ZNF738: variants seen among roughly 807,000 people sequenced by gnomAD.
ZNF738 encodes the protein protein ZNF738.
ZNF738 carries 10 observed loss-of-function variants against 9.2 expected under a neutral mutation model. The ratio of observed to expected loss-of-function variants is 1.09; its 90% confidence interval spans 0.67 to 1.85. The LOEUF is 1.85. Among genes scored for constraint, ZNF738 ranks in the 40% most tolerant of loss-of-function variants. The pLI, the probability that ZNF738 is intolerant of heterozygous loss-of-function variation, is 0.00. For missense variants in ZNF738, 346 were observed against 283.6 expected (o/e 1.22, Z -1.58); for synonymous variants, 113 against 94.5 (o/e 1.20, Z -1.14).
chr19:21,380,215 A>G (rs1157975383), intron 4 of ZNF738, among the ~76,000 whole-genome samples: 1 of 152,212 alleles, frequency 6.6e-6, no homozygotes, highest in Non-Finnish European at 1.5e-5. Context: ...TCAAAGATGA[A>G]AGAAACAAGT....
At chr19:21,378,605 A>ATT in intron 4 of ZNF738, 1 of 340,042 alleles carries the variant, frequency 2.9e-6, no homozygotes, top group Non-Finnish European at 6.0e-6. Flanking sequence ...AAATAATATC[A>ATT]CTTTTTTTTT....
chr19:21,377,761 TCAGCTGA>T (rs1189807441), intron 4 of ZNF738: 1 of 358,632 alleles, frequency 2.8e-6, no homozygotes, highest in African/African-American at 2.1e-5. Context: ...TCATTAGATG[TCAGCTGA>T]CCCTTGTAGA....
At chr19:21,362,557 C>A (rs189770270) in intron 2 of ZNF738, among the ~76,000 whole-genome samples, 2 of 152,268 alleles carry the variant, frequency 1.3e-5, no homozygotes, top group African/African-American at 4.8e-5. Flanking sequence ...TGTTATTTAA[C>A]CAGCACTGCC....
chr19:21,371,755 T>G (rs1297001056), intron 2 of ZNF738, among the ~76,000 whole-genome samples: 1 of 94,566 alleles, frequency 1.1e-5, no homozygotes, highest in East Asian at 2.5e-4. Flanking sequence ...GAACGTATAT[T>G]TATGGACTGA....
At chr19:21,367,835 A>G (rs1973803995) in intron 2 of ZNF738, among the ~76,000 whole-genome samples, 2 of 152,320 alleles carry the variant, frequency 1.3e-5, no homozygotes, top group Admixed American at 6.5e-5. Flanking sequence ...ACCATCAGGA[A>G]CTTCACCACA....
At chr19:21,375,771 C>G in intron 3 of ZNF738, 98 bp from the exon 4 acceptor site, 1 of 544,298 alleles carries the variant, frequency 1.8e-6, no homozygotes, top group Non-Finnish European at 3.4e-6. Context: ...GATGAATTTT[C>G]TAGAATATTC....
At chr19:21,364,749 T>C (rs1336133809) in intron 2 of ZNF738, among the ~76,000 whole-genome samples, 29 of 141,506 alleles carry the variant, frequency 2.0e-4, no homozygotes, top group African/African-American at 6.7e-4. Flanking sequence ...TTTCTTTTTT[T>C]TTTTTTTTTT....
At chr19:21,375,488 A>C in intron 3 of ZNF738, 124 bp downstream of exon 3, 2 of 528,374 alleles carry the variant, frequency 3.8e-6, no homozygotes, top group South Asian at 3.0e-5. Flanking sequence ...GTTTTCAAAA[A>C]ATTGCGAGGA....
intron 2 of ZNF738, among the ~76,000 whole-genome samples, chr19:21,365,122 G>A (rs1973758863): frequency 6.6e-6 from 1 of 151,942 alleles, no homozygotes. Flanking sequence ...GACCATATAG[G>A]GTAACTTCCT....
chr19:21,377,305 TAA>T (rs879700513), intron 4 of ZNF738: 1,335 of 439,694 alleles, frequency 3.0e-3, no homozygotes, highest in South Asian at 5.3e-3. Context: ...AAACTCCATC[TAA>T]AAAAAAAAAA....
intron 2 of ZNF738, among the ~76,000 whole-genome samples, chr19:21,373,057 A>G (rs1368216906): frequency 1.3e-5 from 2 of 152,176 alleles, no homozygotes; most frequent in African/African-American, 4.8e-5. Flanking sequence ...AAGGGGAGCA[A>G]CATCAGCATT....
chr19:21,385,456 C>G lies in ZNF738; in HGVS notation c.*1782C>G, dbSNP rs1240296324. Among the ~76,000 whole-genome samples, 1 of 144,878 alleles carries G rather than the reference C, an allele frequency of 6.9e-6. No homozygotes were observed. The highest frequency in any genetic ancestry group is 6.9e-5 in the Admixed American group (1 of 14,566). On this transcript the variant is annotated 3_prime_UTR_variant, in exon 5 of 5. Coordinates refer to ENST00000683779, the MANE Select transcript of ZNF738 (RefSeq NM_001355237.2). ...GGATGACAGAGAGAGACTCTATCTC[C>G]AAAAAAATAAATAAATAAATAAAAA...
intron 2 of ZNF738, among the ~76,000 whole-genome samples, chr19:21,363,210 C>G (rs1973722876): frequency 6.6e-6 from 1 of 152,074 alleles, no homozygotes; most frequent in Non-Finnish European, 1.5e-5. Context: ...AAATTTTCTT[C>G]CCTTATAGGA....
intron 1 of ZNF738, among the ~76,000 whole-genome samples, chr19:21,360,128 A>C (rs1346593208): frequency 1.3e-5 from 2 of 152,310 alleles, no homozygotes; most frequent in African/African-American, 4.8e-5. Flanking sequence ...TAGTAGGTGA[A>C]GCCTCAATTT....
chr19:21,373,965 A>G (rs887767603), intron 2 of ZNF738, among the ~76,000 whole-genome samples: 5 of 152,100 alleles, frequency 3.3e-5, no homozygotes, highest in African/African-American at 7.2e-5. Flanking sequence ...TCTCTCTCCT[A>G]TATCCCAGAG....
Position 21,385,808 on chromosome 19 carries a change from A to C in ZNF738, c.*2134A>C, listed in dbSNP as rs1599722111. On this transcript the variant is annotated 3_prime_UTR_variant, in exon 5 of 5. Coordinates refer to ENST00000683779, the MANE Select transcript of ZNF738 (RefSeq NM_001355237.2). ...GGCAAAGGTTTTTATTGATTCTCAT[A>C]CTTTACTAAAAATAAGGTGATTCAT... 6.6e-6 allele frequency among the ~76,000 whole-genome samples: 1 copy of C among 152,088 alleles called. No homozygotes were observed. Among genetic ancestry groups the C allele is most frequent in the South Asian group, 2.1e-4 (1 of 4,818 alleles).
rs991519103 is a variant in ZNF738 at position 21,387,692 on chromosome 19, C to A, written c.*4018C>A. Among the ~76,000 whole-genome samples the A allele has an allele frequency of 1.3e-5, 2 of 152,082 alleles. No individual in the cohort carries two copies. The highest frequency in any genetic ancestry group is 4.8e-5 in the African/African-American group (2 of 41,404). ...ATACTTAATAAAAGCAAGATAAGGG[C>A]AATTACTGTCAAAAGGTCTTTCAGA... is the stretch of plus-strand genomic sequence containing the variant. On this transcript the variant is annotated 3_prime_UTR_variant, in exon 5 of 5. Transcript: ENST00000683779.
chr19:21,382,283 C>T (rs1974016591), intron 4 of ZNF738, among the ~76,000 whole-genome samples: 1 of 151,346 alleles, frequency 6.6e-6, no homozygotes, highest in Admixed American at 6.6e-5. Context: ...GCACTGTCAC[C>T]CAGGCTGGAG....
intron 2 of ZNF738, chr19:21,372,582 C>G (rs1348049156): frequency 6.6e-6 from 1 of 152,184 alleles, no homozygotes; most frequent in Non-Finnish European, 1.5e-5. Flanking sequence ...CAGAAACGTT[C>G]CATTTAGCAG....
Sources: gnomAD v4.1 joint callset for allele counts (sites outside exome capture counted in the v4.1 genomes callset) on GRCh38, gnomAD v4.1.1 for gene constraint, MANE v1.5 for transcripts, NCBI Gene and HGNC (gene_info 2026-07-23, HGNC 2026-07-21) for gene names.